NSRP1: variants seen among roughly 807,000 people sequenced by gnomAD.
NSRP1 encodes coiled-coil domain containing 55.
A neutral mutation model predicts 54.7 loss-of-function variants in NSRP1; 24 were observed. That is an observed-to-expected ratio of 0.44 (90% confidence interval 0.32 to 0.62). The LOEUF (loss-of-function observed/expected upper bound fraction) is 0.62, where lower values mean the gene tolerates loss of function less well. NSRP1 is among the 20% of genes least tolerant of loss of function. The pLI, the probability that NSRP1 is intolerant of heterozygous loss-of-function variation, is 0.06. For synonymous variants in NSRP1, 210 were observed against 213.8 expected (o/e 0.98, Z 0.15); for missense variants, 596 against 651.2 (o/e 0.92, Z 0.92).
intron 2 of NSRP1, among the ~76,000 whole-genome samples, chr17:30,118,908 C>T (rs1264489044): frequency 6.6e-6 from 1 of 151,954 alleles, no homozygotes; most frequent in Non-Finnish European, 1.5e-5. Flanking sequence ...GCCATCATGA[C>T]CAGCTAATTT....
At chr17:30,158,938 T>C (rs1386614507) in intron 2 of NSRP1, among the ~76,000 whole-genome samples, 1 of 152,200 alleles carries the variant, frequency 6.6e-6, no homozygotes, top group Non-Finnish European at 1.5e-5. Context: ...TTGCTTTGGT[T>C]ATTCAGGCTC....
intron 2 of NSRP1, among the ~76,000 whole-genome samples, chr17:30,151,443 A>G (rs2143003931): frequency 6.6e-6 from 1 of 152,360 alleles, no homozygotes; most frequent in East Asian, 1.9e-4. Flanking sequence ...GTATTCTTAC[A>G]GTTAAGCTAG....
intron 2 of NSRP1, among the ~76,000 whole-genome samples, chr17:30,163,324 C>T (rs1037995717): frequency 1.1e-4 from 17 of 151,708 alleles, no homozygotes; most frequent in African/African-American, 3.9e-4. Flanking sequence ...CCACCCTCCT[C>T]GGCCTCCCAG....
At chr17:30,174,282 A>G (rs1277020062) in intron 3 of NSRP1, among the ~76,000 whole-genome samples, 1 of 152,182 alleles carries the variant, frequency 6.6e-6, no homozygotes, top group Non-Finnish European at 1.5e-5. Flanking sequence ...GAATGCTGCT[A>G]CAACTCTTAC....
chr17:30,186,433 A>C lies in NSRP1; in HGVS notation c.*759A>C, dbSNP rs1905545860. The C allele has an allele frequency of 6.6e-6, 1 of 152,246 alleles. No individual in the cohort carries two copies. The highest frequency in any genetic ancestry group is 2.4e-5 in the African/African-American group (1 of 41,460). The allele number at this position is 152,246 out of a possible 1,614,324, so 9.4% of individuals were successfully genotyped here. A position where few individuals can be genotyped will look rare whatever the true frequency, so the allele number is the denominator to read the frequency against. Reference sequence around the variant, plus strand: ...ATCTTGTCTAAATAGCTTACAGCATAGTTGGCTTAAATGAAAATAAAATGA... The same window carrying C: ...ATCTTGTCTAAATAGCTTACAGCATCGTTGGCTTAAATGAAAATAAAATGA... On this transcript the variant is annotated 3_prime_UTR_variant, in exon 7 of 7. Transcript: ENST00000247026.
chr17:30,169,279 T>C (rs1597616741), intron 2 of NSRP1, among the ~76,000 whole-genome samples: 1 of 152,096 alleles, frequency 6.6e-6, no homozygotes, highest in Non-Finnish European at 1.5e-5. Context: ...CCAAGTTACA[T>C]AGTTTAGATT....
chr17:30,145,247 A>T (rs1362452870), intron 2 of NSRP1, among the ~76,000 whole-genome samples: 1 of 152,162 alleles, frequency 6.6e-6, no homozygotes. Context: ...GGGGATATAT[A>T]TTCAGGGGTG....
chr17:30,158,684 A>G (rs2143005509), intron 2 of NSRP1, among the ~76,000 whole-genome samples: 1 of 152,164 alleles, frequency 6.6e-6, no homozygotes, highest in South Asian at 2.1e-4. Flanking sequence ...CCATGTGGAT[A>G]TTTAGTTCTC....
At chr17:30,151,332 A>G (rs769347333) in intron 2 of NSRP1, among the ~76,000 whole-genome samples, 29 of 152,166 alleles carry the variant, frequency 1.9e-4, no homozygotes, top group Admixed American at 3.3e-4. Flanking sequence ...CGTGCAGCTG[A>G]AAACTTTTGA....
chr17:30,145,596 CACTA>C (rs2071847287), intron 2 of NSRP1, among the ~76,000 whole-genome samples: 1 of 152,062 alleles, frequency 6.6e-6, no homozygotes, highest in Non-Finnish European at 1.5e-5. Flanking sequence ...AAAATTATTT[CACTA>C]AGTACTGATA....
chr17:30,118,232 A>G (rs2071561356), intron 2 of NSRP1, 59 bp downstream of exon 2: 7 of 1,295,654 alleles, frequency 5.4e-6, no homozygotes, highest in Non-Finnish European at 7.8e-6. Flanking sequence ...TTAAAAATTG[A>G]ACTTGTGACT....
chr17:30,117,795 C>T (rs1307825978), intron 1 of NSRP1, among the ~76,000 whole-genome samples: 2 of 147,594 alleles, frequency 1.4e-5, no homozygotes, highest in Non-Finnish European at 3.0e-5. Flanking sequence ...ACTGTCACTT[C>T]GCCATCTTAA....
intron 2 of NSRP1, among the ~76,000 whole-genome samples, chr17:30,167,941 C>G (rs1424858713): frequency 6.6e-6 from 1 of 152,116 alleles, no homozygotes; most frequent in Non-Finnish European, 1.5e-5. Context: ...TGGAATCATA[C>G]CTCAGCTTTA....
intron 2 of NSRP1, among the ~76,000 whole-genome samples, chr17:30,129,285 T>C (rs1246601906): frequency 6.6e-6 from 1 of 152,054 alleles, no homozygotes; most frequent in East Asian, 1.9e-4. Flanking sequence ...GGTTGTACAA[T>C]GCTATAGGTG....
chr17:30,171,269 A>G (rs1422671723), intron 2 of NSRP1, among the ~76,000 whole-genome samples: 2 of 127,584 alleles, frequency 1.6e-5, no homozygotes, highest in South Asian at 2.6e-4. Flanking sequence ...TTATTCCTTT[A>G]TTATATTGCT....
At chr17:30,152,216 G>A (rs921435608) in intron 2 of NSRP1, among the ~76,000 whole-genome samples, 4 of 151,718 alleles carry the variant, frequency 2.6e-5, no homozygotes, top group African/African-American at 4.8e-5. Context: ...TCTGCTTCCC[G>A]GGTTCAAGCG....
chr17:30,136,690 A>G (rs1376422026), intron 2 of NSRP1, among the ~76,000 whole-genome samples: 1 of 152,194 alleles, frequency 6.6e-6, no homozygotes, highest in African/African-American at 2.4e-5. Flanking sequence ...GAGAAATAAG[A>G]TGTCATTATT....
At chr17:30,170,371 C>T (rs1394820063) in intron 2 of NSRP1, among the ~76,000 whole-genome samples, 1 of 152,092 alleles carries the variant, frequency 6.6e-6, no homozygotes, top group Non-Finnish European at 1.5e-5. Flanking sequence ...ATATATAGTA[C>T]AATTTTATTA....
At chr17:30,181,609 TG>T (rs1270312006) in intron 6 of NSRP1, among the ~76,000 whole-genome samples, 116 of 148,178 alleles carry the variant, frequency 7.8e-4, no homozygotes, top group African/African-American at 2.8e-3. Flanking sequence ...TTTTTTTTTT[TG>T]TTTTTTTTTT....
Sources: gnomAD v4.1 joint callset for allele counts (sites outside exome capture counted in the v4.1 genomes callset) on GRCh38, gnomAD v4.1.1 for gene constraint, MANE v1.5 for transcripts, NCBI Gene and HGNC (gene_info 2026-07-23, HGNC 2026-07-21) for gene names.